MPC1: variants seen among roughly 807,000 people sequenced by gnomAD.
MPC1 encodes mitochondrial pyruvate carrier 1.
MPC1 carries 6 observed loss-of-function variants against 13.9 expected under a neutral mutation model. The ratio of observed to expected loss-of-function variants is 0.43; its 90% CI spans 0.24 to 0.85. The LOEUF (loss-of-function observed/expected upper bound fraction) is 0.85, where lower values mean the gene tolerates loss of function less well. MPC1 is among the 40% of genes least tolerant of loss of function. MPC1 has a pLI of 0.24. For synonymous variants in MPC1, 47 were observed against 50.5 expected, an observed-to-expected ratio of 0.93 and a Z score of 0.29; for missense variants, 115 against 143.3, an observed-to-expected ratio of 0.80 and a Z score of 1.01.
intron 1 of MPC1, among the ~76,000 whole-genome samples, chr6:166,377,640 C>T (rs1236210827): frequency 1.3e-5 from 2 of 152,168 alleles, no homozygotes; most frequent in Non-Finnish European, 2.9e-5. Context: ...CATAATTCTA[C>T]AGTTTGCTGA....
chr6:166,382,189 AC>A (rs1779813876), intron 1 of MPC1, among the ~76,000 whole-genome samples: 1 of 152,068 alleles, frequency 6.6e-6, no homozygotes, highest in South Asian at 2.1e-4. Flanking sequence ...AGCCTCTGTC[AC>A]CCCTGCCGGG....
At chr6:166,370,429 A>G (rs1245335785) in intron 1 of MPC1, 1 of 529,928 alleles carries the variant, frequency 1.9e-6, no homozygotes, top group Non-Finnish European at 3.3e-6. Flanking sequence ...CTTTGACTTC[A>G]TGAAATTAGA....
At chr6:166,368,394 A>G (rs1779245409) in intron 2 of MPC1, among the ~76,000 whole-genome samples, 1 of 152,074 alleles carries the variant, frequency 6.6e-6, no homozygotes, top group Admixed American at 6.5e-5. Flanking sequence ...TGTCTCTACT[A>G]AAAATATAAA....
chr6:166,369,553 G>T (rs1779297806), intron 2 of MPC1: 1 of 162,284 alleles, frequency 6.2e-6, no homozygotes, highest in South Asian at 1.7e-4. Flanking sequence ...GAACACGAAA[G>T]GTAAAAATCA....
At chr6:166,379,880 C>A (rs1779704778) in intron 1 of MPC1, among the ~76,000 whole-genome samples, 1 of 152,230 alleles carries the variant, frequency 6.6e-6, no homozygotes, top group Non-Finnish European at 1.5e-5. Context: ...ATAGGAAGTA[C>A]TTTCCTCTGA....
chr6:166,371,884 C>G (rs941394182), intron 1 of MPC1, among the ~76,000 whole-genome samples: 3 of 152,164 alleles, frequency 2.0e-5, no homozygotes, highest in Non-Finnish European at 2.9e-5. Flanking sequence ...TGGTTACTCT[C>G]TCTTTCACAA....
chr6:166,367,056 A>G, intron 2 of MPC1, 165 bp from the exon 3 acceptor site: 1 of 1,489,306 alleles, frequency 6.7e-7, no homozygotes, highest in Non-Finnish European at 9.0e-7. Flanking sequence ...ACATTTAGGT[A>G]TTGGATTGTC....
chr6:166,380,485 T>C (rs113699231), intron 1 of MPC1, among the ~76,000 whole-genome samples: 98 of 152,272 alleles, frequency 6.4e-4, no homozygotes, highest in African/African-American at 2.2e-3. Context: ...AATTTAAAGC[T>C]ACATAAAGTT....
intron 2 of MPC1, among the ~76,000 whole-genome samples, chr6:166,368,104 C>G (rs1341114996): frequency 6.6e-6 from 1 of 152,144 alleles, no homozygotes. Flanking sequence ...TTTAAAGAAT[C>G]TTGAGATTCT....
Position 166,365,828 on chromosome 6 carries a change from T to C in MPC1, c.305+146A>G. The C allele has an allele frequency of 1.9e-6, 2 of 1,073,216 alleles. No homozygotes were observed. The highest frequency in any genetic ancestry group is 5.1e-5 in the East Asian group (2 of 39,166). The allele number at this position is 1,073,216 out of a possible 1,614,324, so 66.5% of individuals were successfully genotyped here. ...GTATCCTAGTTCATGTTAACTTTCA[T>C]GGTTTAGTAAGTTGTTTCCCCAACT... On this transcript the variant is annotated intron_variant, in intron 4 of 4. Transcript: ENST00000360961. The surrounding 1 kb of genome is among the most constrained non-coding windows in gnomAD (Gnocchi z 4.2).
intron 1 of MPC1, among the ~76,000 whole-genome samples, chr6:166,371,737 C>G (rs111508320): frequency 2.0e-5 from 3 of 152,234 alleles, no homozygotes; most frequent in African/African-American, 7.2e-5. Context: ...CCTATATATA[C>G]TATGTTTTTC....
chr6:166,368,557 GAAAAAAAAA>G (rs11370568), intron 2 of MPC1, among the ~76,000 whole-genome samples: 4 of 114,292 alleles, frequency 3.5e-5, no homozygotes, highest in Admixed American at 2.0e-4. Context: ...CCGTCTCAGG[GAAAAAAAAA>G]AAAAAAAAAA....
At chr6:166,376,308 C>A (rs1428383548) in intron 1 of MPC1, among the ~76,000 whole-genome samples, 1 of 152,156 alleles carries the variant, frequency 6.6e-6, no homozygotes, top group African/African-American at 2.4e-5. Flanking sequence ...ACTAGGGGAG[C>A]CAATGGTGTA....
At chr6:166,369,920 T>C (rs113982280) in intron 2 of MPC1, 173 of 523,438 alleles carry the variant, frequency 3.3e-4, no homozygotes, top group Middle Eastern at 1.5e-3. Flanking sequence ...CTTTCTCTTT[T>C]TCTTTCTCTA....
At chr6:166,376,168 G>A (rs199803297) in intron 1 of MPC1, among the ~76,000 whole-genome samples, 5 of 23,654 alleles carry the variant, frequency 2.1e-4, no homozygotes, top group South Asian at 0.01. Flanking sequence ...GTGTGTGTGT[G>A]TGTGTGTGTG....
chr6:166,367,678 G>T lies in MPC1; in HGVS notation c.76-787C>A, dbSNP rs77014081. Among the ~76,000 whole-genome samples the T allele has an allele frequency of 7.4e-3, 1,127 of 152,248 alleles. 17 individuals are homozygous for T. Among genetic ancestry groups the T allele is most frequent in the African/African-American group, 0.026 (1,080 of 41,550 alleles). On this transcript the variant is annotated intron_variant, in intron 2 of 4. Coordinates refer to ENST00000360961, the MANE Select transcript of MPC1 (RefSeq NM_016098.4). The stretch of plus-strand genomic sequence containing the variant: ...AGGCTTGTGGCTTTTGTTCATTAAA[G>T]ATGAAAAATTGTTTCATTAATTTAG...
chr6:166,369,448 TGTTAG>T (rs1324866915), intron 2 of MPC1: 1 of 154,662 alleles, frequency 6.5e-6, no homozygotes, highest in Non-Finnish European at 1.5e-5. Flanking sequence ...GTGTGATGAG[TGTTAG>T]GTTATAGGAA....
At chr6:166,378,852 T>C (rs190299091) in intron 1 of MPC1, among the ~76,000 whole-genome samples, 3 of 152,304 alleles carry the variant, frequency 2.0e-5, no homozygotes, top group Admixed American at 2.0e-4. Context: ...CTTACTTTTG[T>C]CAAGCGCTAT....
At chr6:166,376,517 T>G (rs114355822) in intron 1 of MPC1, among the ~76,000 whole-genome samples, 15 of 152,332 alleles carry the variant, frequency 9.8e-5, no homozygotes, top group African/African-American at 3.6e-4. Flanking sequence ...TGATGCCCAC[T>G]TACACGGGTG....
Sources: gnomAD v4.1 joint callset for allele counts (sites outside exome capture counted in the v4.1 genomes callset) on GRCh38, gnomAD v4.1.1 for gene constraint, Gnocchi (gnomAD v3.1) non-coding constraint, MANE v1.5 for transcripts, NCBI Gene and HGNC (gene_info 2026-07-23, HGNC 2026-07-21) for gene names.